Variants in PAK1 observed in about 807,000 individuals in gnomAD.
The protein encoded by PAK1 is serine/threonine-protein kinase PAK 1.
In PAK1, 29 loss-of-function variants were observed where a neutral mutation model predicts 67.4. The observed-to-expected ratio is 0.43, with a 90% CI of 0.32 to 0.59. The LOEUF (loss-of-function observed/expected upper bound fraction) is 0.59. PAK1 is among the 20% of genes least tolerant of loss of function. The pLI, the probability that PAK1 is intolerant of heterozygous loss-of-function variation, is 0.07. For synonymous variants in PAK1, 223 were observed against 237.4 expected, an observed-to-expected ratio of 0.94 and a Z score of 0.56; for missense variants, 337 against 670.7, an observed-to-expected ratio of 0.50 and a Z score of 5.50.
chr11:77,384,854 C>T (rs1011312623), intron 2 of PAK1, among the ~76,000 whole-genome samples: 2 of 151,806 alleles, frequency 1.3e-5, no homozygotes, highest in African/African-American at 4.8e-5. Context: ...CTAAAAACCA[C>T]GGAATTGTAC....
chr11:77,400,111 G>C (rs1166081227), intron 1 of PAK1, among the ~76,000 whole-genome samples: 1 of 152,070 alleles, frequency 6.6e-6, no homozygotes, highest in East Asian at 1.9e-4. Context: ...AATTGGTCTG[G>C]AGTAGGTCCA....
intron 1 of PAK1, among the ~76,000 whole-genome samples, chr11:77,399,667 G>A (rs999897130): frequency 2.6e-4 from 40 of 151,380 alleles, no homozygotes; most frequent in African/African-American, 7.0e-4. Context: ...AGACCATCCC[G>A]GCTAAAACGG....
At chr11:77,514,495 A>C in the PAK1 span, among the ~76,000 whole-genome samples, 5 of 152,200 alleles carry the variant, frequency 3.3e-5, no homozygotes, top group African/African-American at 9.6e-5. Flanking sequence ...ACTCCATCTC[A>C]AAATAAATAA....
At chr11:77,490,467 G>A in the PAK1 span, among the ~76,000 whole-genome samples, 50 of 123,222 alleles carry the variant, frequency 4.1e-4, no homozygotes, top group African/African-American at 1.6e-3. Context: ...GGGGGGGTCA[G>A]CCCCCCGCCC....
intron 1 of PAK1, among the ~76,000 whole-genome samples, chr11:77,446,511 CAAAA>C (rs56952838): frequency 1.6e-5 from 1 of 60,674 alleles, no homozygotes; most frequent in Non-Finnish European, 3.5e-5. Flanking sequence ...GACCCTGTCT[CAAAA>C]AAAAAAAAAA....
chr11:77,407,764 GAGATCA>G, intron 1 of PAK1, among the ~76,000 whole-genome samples: 1 of 152,162 alleles, frequency 6.6e-6, no homozygotes, highest in African/African-American at 2.4e-5. Context: ...AAGGAAGGAA[GAGATCA>G]AATGACTCAG....
intron 1 of PAK1, among the ~76,000 whole-genome samples, chr11:77,467,945 CTTTG>C (rs1333355203): frequency 2.6e-5 from 4 of 152,142 alleles, no homozygotes; most frequent in African/African-American, 9.7e-5. Context: ...TCAATCTTAG[CTTTG>C]TGGGAATCCA....
intron 1 of PAK1, among the ~76,000 whole-genome samples, chr11:77,393,333 A>G (rs897700551): frequency 6.7e-6 from 1 of 149,240 alleles, no homozygotes. Context: ...TTGCTCTGTT[A>G]CCCCAGGCTG....
At chr11:77,520,008 C>T in the PAK1 span, among the ~76,000 whole-genome samples, 6 of 152,192 alleles carry the variant, frequency 3.9e-5, no homozygotes, top group East Asian at 3.9e-4. Flanking sequence ...TGTGGCCCCC[C>T]CCTCCGCCCG....
At chr11:77,345,783 T>C (rs1205329371) in intron 9 of PAK1, among the ~76,000 whole-genome samples, 2 of 152,124 alleles carry the variant, frequency 1.3e-5, no homozygotes, top group Non-Finnish European at 2.9e-5. Context: ...GATCTAAAGA[T>C]ATTAAGTATA....
chr11:77,511,941 G>C, the PAK1 span, among the ~76,000 whole-genome samples: 1 of 152,158 alleles, frequency 6.6e-6, no homozygotes, highest in South Asian at 2.1e-4. Context: ...CCAACACAAA[G>C]GCAAGGTCAA....
the PAK1 span, among the ~76,000 whole-genome samples, chr11:77,522,992 T>C: frequency 6.6e-6 from 1 of 152,206 alleles, no homozygotes; most frequent in African/African-American, 2.4e-5. Flanking sequence ...CACCACATGT[T>C]CTCACTTACA....
In PAK1 at chr11:77,454,442, G is replaced by A. The variant is rs146625230; in HGVS notation, c.-22+19110C>T. On this transcript the variant is annotated intron_variant, in intron 1 of 14. Transcript: ENST00000356341. Reference sequence around the variant, plus strand: ...ATTCCTCATGAACTGGTCCCTATCCGTCTTTCCAGTTTTGAAATGGATGCT... The same window carrying A: ...ATTCCTCATGAACTGGTCCCTATCCATCTTTCCAGTTTTGAAATGGATGCT... Among the ~76,000 whole-genome samples the A allele has an allele frequency of 3.0e-4, 46 of 152,190 alleles. No individual in the cohort carries two copies. In the East Asian group the frequency reaches 3.9e-3, roughly 13 times the overall value.
chr11:77,504,459 G>A, the PAK1 span, among the ~76,000 whole-genome samples: 1 of 152,198 alleles, frequency 6.6e-6, no homozygotes, highest in African/African-American at 2.4e-5. Flanking sequence ...GCTAGAAAAG[G>A]CAGGAGTATT....
At chr11:77,416,771 G>GT (rs1954981464) in intron 1 of PAK1, among the ~76,000 whole-genome samples, 1 of 152,164 alleles carries the variant, frequency 6.6e-6, no homozygotes, top group Non-Finnish European at 1.5e-5. Context: ...GGCTAACACA[G>GT]TGAAACCCCG....
upstream of PAK1, chr11:77,474,449 G>T (rs1446620024): frequency 6.6e-6 from 1 of 152,246 alleles, no homozygotes; most frequent in African/African-American, 2.4e-5. Flanking sequence ...GTCCGTGGCG[G>T]GTTGTTTCCG....
At chr11:77,517,729 ACCATAAT>A in the PAK1 span, among the ~76,000 whole-genome samples, 1 of 152,164 alleles carries the variant, frequency 6.6e-6, no homozygotes, top group Admixed American at 6.5e-5. Flanking sequence ...TATACAACTC[ACCATAAT>A]GCATAATCAG....
chr11:77,332,968 G>A, intron 13 of PAK1, 101 bp from the exon 14 acceptor site: 1 of 1,079,866 alleles, frequency 9.3e-7, no homozygotes, highest in Non-Finnish European at 1.4e-6. Context: ...TTATGCTCTA[G>A]GATGCAAAGT....
chr11:77,401,564 C>T (rs1952689809), intron 1 of PAK1, among the ~76,000 whole-genome samples: 1 of 152,162 alleles, frequency 6.6e-6, no homozygotes, highest in Admixed American at 6.5e-5. Context: ...TTTCCCCCAC[C>T]TATCTTTTTA....
Sources: gnomAD v4.1 joint callset for allele counts (sites outside exome capture counted in the v4.1 genomes callset) on GRCh38, gnomAD v4.1.1 for gene constraint, MANE v1.5 for transcripts, NCBI Gene and HGNC (gene_info 2026-07-23, HGNC 2026-07-21) for gene names.